Variants in RHD observed in about 807,000 individuals in gnomAD.
The protein encoded by RHD is Rh blood group D antigen.
Under a neutral mutation model 45.5 loss-of-function variants are expected in RHD, and 16 were observed. That is an observed-to-expected ratio of 0.35 (90% CI 0.24 to 0.53). The LOEUF is 0.53. Ranked by LOEUF, RHD falls within the 20% of genes least tolerant of loss-of-function variation. RHD has a pLI of 0.92. For synonymous variants in RHD, 131 were observed against 217.5 expected, an observed-to-expected ratio of 0.60 and a Z score of 3.50; for missense variants, 306 against 532.0, an observed-to-expected ratio of 0.58 and a Z score of 4.18.
rs1175280026 is a variant in RHD at position 25,283,673 on chromosome 1, T to C, written c.149-900T>C. On this transcript the variant is annotated intron_variant, in intron 1 of 9. Transcript: ENST00000328664. ...TGTGAGAACGAAACAAGATAGTCTA[T>C]GTAAAGTGATTAAAACAGCGTAGGC... is the stretch of plus-strand genomic sequence containing the variant. Among the ~76,000 whole-genome samples, 12 of 133,830 alleles carry C rather than the reference T, an allele frequency of 9.0e-5. 5 individuals are homozygous for C. Among genetic ancestry groups the C allele is most frequent in the Non-Finnish European group, 2.1e-4 (12 of 56,858 alleles). 87.8% of individuals were successfully genotyped at this position (133,830 alleles called of 152,430 possible).
At chr1:25,297,671 T>C (rs1388622763) in intron 3 of RHD, among the ~76,000 whole-genome samples, 2 of 132,296 alleles carry the variant, frequency 1.5e-5, no homozygotes, top group Non-Finnish European at 3.6e-5. Context: ...GCTCCTGGAT[T>C]CCGGTTTACA....
chr1:25,311,654 G>A (rs1411733865), intron 7 of RHD, among the ~76,000 whole-genome samples: 1 of 129,640 alleles, frequency 7.7e-6, no homozygotes, highest in Admixed American at 7.5e-5. Context: ...CCCATTACTG[G>A]CCCAGAGCTC....
At position 25,306,241 on chromosome 1, in the gene RHD, T is replaced by C. The variant is rs1571690869; in HGVS notation, c.940-355T>C. 2.3e-5 allele frequency among the ~76,000 whole-genome samples: 3 copies of C among 131,824 alleles called. 1 individual carries two copies. The highest frequency in any genetic ancestry group is 7.8e-5 in the African/African-American group (3 of 38,336). 86.5% of individuals were successfully genotyped at this position (131,824 alleles called of 152,430 possible). The stretch of plus-strand genomic sequence containing the variant: ...AGACCAGGGATGCTGCTTAACATCC[T>C]ACAGTACACAGGGCAGCCCCCACCA... On this transcript the variant is annotated intron_variant, in intron 6 of 9. Coordinates refer to ENST00000328664, the MANE Select transcript of RHD (RefSeq NM_016124.6).
At position 25,306,609 on chromosome 1, in the gene RHD, G is replaced by C; in HGVS notation, c.953G>C (p.Arg318Pro). The C allele has an allele frequency of 2.2e-6, 3 of 1,378,054 alleles. 1 individual carries two copies. The highest frequency in any genetic ancestry group is 2.0e-6 in the Non-Finnish European group (2 of 978,582). The allele number at this position is 1,378,054 out of a possible 1,614,324, so 85.4% of individuals were successfully genotyped here. Reference protein sequence around the residue: ...GAKYLPGCCNRVLGIPHSSIM... With the variant: ...GAKYLPGCCNPVLGIPHSSIM... ...ACTTGTCCACAGGGGTGTTGTAACCGAGTGCTGGGGATTCCCCACAGCTCC... is the reference window on the plus strand; with the variant it reads ...ACTTGTCCACAGGGGTGTTGTAACCCAGTGCTGGGGATTCCCCACAGCTCC... The change falls in exon 7 of 10, where the codon CGA becomes CCA. Residue 318 changes from arginine (R) to proline (P), a missense_variant. Coordinates refer to ENST00000328664, the MANE Select transcript of RHD (RefSeq NM_016124.6).
In RHD at chr1:25,290,751, C is replaced by A. The variant is rs775336070; in HGVS notation, c.446C>A (p.Ala149Asp). The change falls in exon 3 of 10, where the codon GCT becomes GAT. Residue 149 changes from alanine to aspartate, a missense_variant. Ala to Asp is a moderately radical substitution (Grantham distance 126, BLOSUM62 -2). Coordinates refer to ENST00000328664, the MANE Select transcript of RHD (RefSeq NM_016124.6). ...GTGATGGTGCTGGTGGAGGTGACAG[C>A]TTTAGGCAACCTGAGGATGGTCATC... is the stretch of plus-strand genomic sequence containing the variant. ...LVVMVLVEVT[A>D]LGNLRMVISN... The A allele has an allele frequency of 1.4e-5, 19 of 1,377,234 alleles. 1 individual carries two copies. Among genetic ancestry groups the A allele is most frequent in the Middle Eastern group, 1.8e-4 (1 of 5,516 alleles). 85.3% of individuals were successfully genotyped at this position (1,377,234 alleles called of 1,614,324 possible). A position where few individuals can be genotyped will look rare whatever the true frequency, so the allele number is the denominator to read the frequency against.
Position 25,281,883 on chromosome 1 carries a change from A to G in RHD, c.149-2690A>G, listed in dbSNP as rs375508458. On this transcript the variant is annotated intron_variant, in intron 1 of 9. Transcript: ENST00000328664. ...TTGTCCTCTCTGGCAGACCCTGGGT[A>G]TGTGTATGTTTCAATGGAAGTGAAT... Among the ~76,000 whole-genome samples the G allele has an allele frequency of 7.5e-5, 10 of 132,608 alleles. 2 individuals carry two copies. The highest frequency in any genetic ancestry group is 2.2e-4 in the Admixed American group (3 of 13,596). 87.0% of individuals were successfully genotyped at this position (132,608 alleles called of 152,430 possible).
At position 25,314,136 on chromosome 1, in the gene RHD, A is replaced by C. The variant is rs946211991; in HGVS notation, c.1074-2864A>C. Among the ~76,000 whole-genome samples the C allele has an allele frequency of 3.0e-5, 4 of 133,128 alleles. 2 individuals are homozygous for C. The highest frequency in any genetic ancestry group is 7.1e-5 in the Non-Finnish European group (4 of 56,138). The allele number at this position is 133,128 out of a possible 152,430, so 87.3% of individuals were successfully genotyped here. On this transcript the variant is annotated intron_variant, in intron 7 of 9. Transcript: ENST00000328664. ...AATTGTTGAATTATACAGTATTCAC[A>C]CAGTCAGCTTTAGTGGCTACTGCTA...
rs1435362656 is a variant in RHD at position 25,287,728 on chromosome 1, T to TTTA, written c.336-2910_336-2908dup. 3.0e-4 allele frequency among the ~76,000 whole-genome samples: 41 copies of TTTA among 135,544 alleles called. 8 individuals carry two copies. The South Asian group carries it at 4.4e-3, about 15-fold the overall frequency. 88.9% of individuals were successfully genotyped at this position (135,544 alleles called of 152,430 possible). ...TGAAGTGGGATGTTTTAAAATTTTA[T>TTTA]TTATTTTTTTAGAGACAGGGTCTTG... On this transcript the variant is annotated intron_variant, in intron 2 of 9. Transcript: ENST00000328664.
At chr1:25,298,021 G>A (rs1399505456) in intron 3 of RHD, among the ~76,000 whole-genome samples, 2 of 125,648 alleles carry the variant, frequency 1.6e-5, no homozygotes, top group Non-Finnish European at 3.7e-5. Context: ...AGCGAAAAAC[G>A]TGTCCCCTCC....
chr1:25,310,122 C>A (rs1270409143), intron 7 of RHD, among the ~76,000 whole-genome samples: 1 of 132,524 alleles, frequency 7.5e-6, no homozygotes, highest in East Asian at 2.0e-4. Context: ...TCCAGGATAA[C>A]CACTAACCTG....
At chr1:25,321,401 C>T (rs1483801097) in intron 8 of RHD, among the ~76,000 whole-genome samples, 1 of 122,902 alleles carries the variant, frequency 8.1e-6, no homozygotes, top group South Asian at 2.5e-4. Flanking sequence ...TGGCTCATGC[C>T]TGTAATACTA....
At position 25,276,496 on chromosome 1, in the gene RHD, G is replaced by C. The variant is rs1178801527; in HGVS notation, c.148+3801G>C. 4.0e-5 allele frequency among the ~76,000 whole-genome samples: 4 copies of C among 99,554 alleles called. 1 individual carries two copies. Among genetic ancestry groups the C allele is most frequent in the East Asian group, 2.2e-4 (1 of 4,498 alleles). The allele number at this position is 99,554 out of a possible 152,430, so 65.3% of individuals were successfully genotyped here. A position where few individuals can be genotyped will look rare whatever the true frequency, so the allele number is the denominator to read the frequency against. ...TCGCTTAAACCAAGGAGTTCAAGAC[G>C]AGCCTAGGAAACATAGGGAGACCCC... On this transcript the variant is annotated intron_variant, in intron 1 of 9. Coordinates refer to ENST00000328664, the MANE Select transcript of RHD (RefSeq NM_016124.6).
At chr1:25,280,026 G>C (rs1238819346) in intron 1 of RHD, among the ~76,000 whole-genome samples, 1 of 130,056 alleles carries the variant, frequency 7.7e-6, no homozygotes, top group East Asian at 2.0e-4. Flanking sequence ...TGGGCCTGGA[G>C]CCCAGGAGAA....
chr1:25,300,893 T>G lies in RHD; in HGVS notation c.487-53T>G. The G allele has an allele frequency of 4.4e-6, 6 of 1,364,494 alleles. 2 individuals are homozygous for G. The highest frequency in any genetic ancestry group is 5.2e-6 in the Non-Finnish European group (5 of 970,058). The allele number at this position is 1,364,494 out of a possible 1,614,324, so 84.5% of individuals were successfully genotyped here. Reference sequence around the variant, plus strand: ...ACTTTCTCCAAGGACTATCAGGGCTTGCCCCGGGCAGAGGATGCCGACACT... The same window carrying G: ...ACTTTCTCCAAGGACTATCAGGGCTGGCCCCGGGCAGAGGATGCCGACACT... On this transcript the variant is annotated intron_variant, in intron 3 of 9. Transcript: ENST00000328664.
Position 25,322,400 on chromosome 1 carries a change from C to T in RHD, c.1227+438C>T, listed in dbSNP as rs1423264210. On this transcript the variant is annotated intron_variant, in intron 9 of 9. Transcript: ENST00000328664. The stretch of plus-strand genomic sequence containing the variant: ...TCAAGATCTTACAACTGGCTGGGCA[C>T]GGTGGCTCACGCCTGTGATCCCAGC... 1.3e-4 allele frequency among the ~76,000 whole-genome samples: 17 copies of T among 133,064 alleles called. 5 individuals carry two copies. Among genetic ancestry groups the T allele is most frequent in the African/African-American group, 2.8e-4 (11 of 39,042 alleles). The allele number at this position is 133,064 out of a possible 152,430, so 87.3% of individuals were successfully genotyped here.
intron 7 of RHD, among the ~76,000 whole-genome samples, chr1:25,311,588 T>C (rs1285179316): frequency 6.9e-5 from 9 of 129,562 alleles, no homozygotes; most frequent in African/African-American, 2.4e-4. Context: ...AGGCTGTTCA[T>C]CAGGACAAGG....
In RHD at chr1:25,289,287, C is replaced by T. The variant is rs1161449883; in HGVS notation, c.336-1354C>T. Among the ~76,000 whole-genome samples the T allele has an allele frequency of 1.5e-5, 2 of 131,190 alleles. 1 individual carries two copies. Among genetic ancestry groups the T allele is most frequent in the Non-Finnish European group, 3.6e-5 (2 of 55,502 alleles). 86.1% of individuals were successfully genotyped at this position (131,190 alleles called of 152,430 possible). A position where few individuals can be genotyped will look rare whatever the true frequency, so the allele number is the denominator to read the frequency against. On this transcript the variant is annotated intron_variant, in intron 2 of 9. Transcript: ENST00000328664. ...TCGGCCCACTGAAACCTCTGCCTCC[C>T]GGGTTCAAGCGACTGCCATGCCTCA...
At chr1:25,305,234 T>C (rs1643707198) in intron 6 of RHD, among the ~76,000 whole-genome samples, 1 of 130,584 alleles carries the variant, frequency 7.7e-6, no homozygotes, top group Non-Finnish European at 1.8e-5. Context: ...TATGAAAGCT[T>C]ATTGTTAAGA....
chr1:25,296,910 G>A lies in RHD; in HGVS notation c.487-4036G>A, dbSNP rs1400429810. 6.9e-5 allele frequency among the ~76,000 whole-genome samples: 9 copies of A among 130,466 alleles called. 1 individual carries two copies. The East Asian group carries it at 1.4e-3, about 20-fold the overall frequency. The allele number at this position is 130,466 out of a possible 152,430, so 85.6% of individuals were successfully genotyped here. A position where few individuals can be genotyped will look rare whatever the true frequency, so the allele number is the denominator to read the frequency against. On this transcript the variant is annotated intron_variant, in intron 3 of 9. Coordinates refer to ENST00000328664, the MANE Select transcript of RHD (RefSeq NM_016124.6). Reference sequence around the variant, plus strand: ...AGTCTCAGGAAGTATCTTTATAGCAGTGTGAAAACAGACTAACACAATTTC... The same window carrying A: ...AGTCTCAGGAAGTATCTTTATAGCAATGTGAAAACAGACTAACACAATTTC...
Sources: allele counts gnomAD v4.1 joint callset (sites outside exome capture counted in the v4.1 genomes callset), GRCh38; gene constraint gnomAD v4.1.1; transcripts MANE v1.5; gene names NCBI Gene and HGNC (gene_info 2026-07-23, HGNC 2026-07-21).